The following ACAD10 variants were observed in gnomAD, a reference collection of about 807,000 sequenced individuals.
ACAD10 encodes the protein ACAD-10.
In ACAD10, 112 loss-of-function variants were observed where a neutral mutation model predicts 116.8. The observed-to-expected ratio is 0.96, with a 90% confidence interval of 0.82 to 1.12. The LOEUF (loss-of-function observed/expected upper bound fraction) is 1.12, where lower values mean the gene tolerates loss of function less well. Ranked by LOEUF, ACAD10 falls within the 50% of genes most tolerant of loss-of-function variation. The pLI, the probability that ACAD10 is intolerant of heterozygous loss-of-function variation, is 0.00. For synonymous variants in ACAD10, 486 were observed against 510.6 expected (o/e 0.95, Z 0.65); for missense variants, 1,259 against 1,350.2 (o/e 0.93, Z 1.06).
At chr12:111,703,838 C>T (rs1888419201) in intron 3 of ACAD10, among the ~76,000 whole-genome samples, 1 of 151,258 alleles carries the variant, frequency 6.6e-6, no homozygotes, top group African/African-American at 2.4e-5. Flanking sequence ...AGTGAGACTC[C>T]ATCTCAAAAA....
At chr12:111,704,880 G>A (rs1223677438) in intron 3 of ACAD10, among the ~76,000 whole-genome samples, 1 of 151,406 alleles carries the variant, frequency 6.6e-6, no homozygotes, top group Admixed American at 6.6e-5. Context: ...GTAGATAAGG[G>A]GTTTCACCAT....
rs564455964 is a variant in ACAD10 at position 111,736,190 on chromosome 12, T to G, written c.1541-641T>G. 3.4e-3 allele frequency among the ~76,000 whole-genome samples: 489 copies of G among 142,610 alleles called. 1 individual carries two copies. Among genetic ancestry groups the G allele is most frequent in the African/African-American group, 0.012 (468 of 38,120 alleles). 93.6% of individuals were successfully genotyped at this position (142,610 alleles called of 152,430 possible). Reference sequence around the variant, plus strand: ...GCCACTGCACCCAGCCAATTGTTTTTTTTTTTTTTTTTTTGAGATGGAGTC... The same window carrying G: ...GCCACTGCACCCAGCCAATTGTTTTGTTTTTTTTTTTTTTGAGATGGAGTC... On this transcript the variant is annotated intron_variant, in intron 11 of 20. Transcript: ENST00000313698.
Position 111,712,556 on chromosome 12 carries a change from G to A in ACAD10, c.749G>A (p.Arg250Lys). Reference sequence around the variant, plus strand: ...GAAGCTCTCTTGGGTTTTACATTGAGAGTAGGTGTTCCAAACACTCGGCCT... The same window carrying A: ...GAAGCTCTCTTGGGTTTTACATTGAAAGTAGGTGTTCCAAACACTCGGCCT... Reference protein sequence around the residue: ...ELEALLGFTLRVGVPNTRPVK... With the variant: ...ELEALLGFTLKVGVPNTRPVK... Residue 250 changes from arginine (R) to lysine (K), a missense_variant, in exon 6 of 21, where the codon AGA becomes AAA. Transcript: ENST00000313698. 2.5e-6 allele frequency: 4 copies of A among 1,614,144 alleles called. No individual in the cohort carries two copies. Among genetic ancestry groups the A allele is most frequent in the African/African-American group, 1.3e-5 (1 of 75,056 alleles).
At position 111,692,784 on chromosome 12, in the gene ACAD10, G is replaced by A. The variant is rs1273964923; in HGVS notation, c.75G>A (p.Gln25=). 2 of 1,614,236 alleles carry A rather than the reference G, an allele frequency of 1.2e-6. No individual in the cohort carries two copies. Among genetic ancestry groups the A allele is most frequent in the Admixed American group, 1.7e-5 (1 of 60,024 alleles). The change falls in exon 2 of 21, where the codon CAG becomes CAA. Residue 25 remains glutamine (Q), a synonymous_variant. Transcript: ENST00000313698. ...VWRTAFLKHT[Q]RRHQGSHRWT... is the part of the protein sequence containing the mutation. ...GAACAGCCTTCCTGAAACACACCCA[G>A]CGCAGGCACCAGGGGTCCCACCGAT...
intron 7 of ACAD10, among the ~76,000 whole-genome samples, chr12:111,718,184 G>A (rs1888906185): frequency 1.3e-5 from 2 of 150,712 alleles, no homozygotes; most frequent in South Asian, 4.2e-4. Context: ...CAAGTAACAG[G>A]GATTATAGTC....
At chr12:111,705,180 T>A (rs981076640) in intron 3 of ACAD10, among the ~76,000 whole-genome samples, 2 of 152,164 alleles carry the variant, frequency 1.3e-5, no homozygotes, top group Admixed American at 6.6e-5. Context: ...ATGCTGTTTT[T>A]TTTTTCAACT....
intron 8 of ACAD10, among the ~76,000 whole-genome samples, 169 bp from the exon 9 acceptor site, chr12:111,727,793 G>A (rs1163815879): frequency 6.6e-6 from 1 of 152,146 alleles, no homozygotes; most frequent in Non-Finnish European, 1.5e-5. Context: ...TACTTCTAAT[G>A]CACTGTGCTT....
At chr12:111,727,272 C>G (rs575450493) in intron 8 of ACAD10, among the ~76,000 whole-genome samples, 1 of 151,144 alleles carries the variant, frequency 6.6e-6, no homozygotes, top group East Asian at 2.0e-4. Flanking sequence ...CGCCTATAAT[C>G]CCACCACTTT....
chr12:111,737,344 G>A (rs1018376015), intron 12 of ACAD10, among the ~76,000 whole-genome samples: 6 of 151,940 alleles, frequency 3.9e-5, no homozygotes, highest in Non-Finnish European at 8.8e-5. Flanking sequence ...CACCACGCCT[G>A]GCTAATTTTT....
At chr12:111,718,506 T>A (rs1217081473) in intron 7 of ACAD10, among the ~76,000 whole-genome samples, 1 of 148,328 alleles carries the variant, frequency 6.7e-6, no homozygotes, top group African/African-American at 2.5e-5. Context: ...TGAGGCGGAG[T>A]TTTTGCTCTG....
At chr12:111,753,745 T>A in intron 18 of ACAD10, 27 bp from the exon 19 acceptor site, 1 of 1,613,694 alleles carries the variant, frequency 6.2e-7, no homozygotes. Context: ...CAGCATGTCC[T>A]CAGCCGCACA....
intron 2 of ACAD10, among the ~76,000 whole-genome samples, chr12:111,695,854 A>G (rs1450052089): frequency 6.6e-6 from 1 of 151,912 alleles, no homozygotes; most frequent in African/African-American, 2.4e-5. Flanking sequence ...TCTCTACTAA[A>G]AATTCAAAAA....
At chr12:111,688,511 A>G (rs1333067271) in intron 1 of ACAD10, among the ~76,000 whole-genome samples, 11 of 152,082 alleles carry the variant, frequency 7.2e-5, no homozygotes, top group Admixed American at 7.2e-4. Flanking sequence ...TTAGAAAAAA[A>G]AAGTACTTGA....
intron 1 of ACAD10, among the ~76,000 whole-genome samples, chr12:111,688,571 G>A (rs556843576): frequency 1.3e-5 from 2 of 152,172 alleles, no homozygotes; most frequent in East Asian, 1.9e-4. Context: ...GGAGGCCGAG[G>A]CCGGTGGATC....
Position 111,748,335 on chromosome 12 carries a change from G to A in ACAD10, c.2504G>A (p.Cys835Tyr). 5.6e-6 allele frequency: 9 copies of A among 1,614,112 alleles called. No homozygotes were observed. Among genetic ancestry groups the A allele is most frequent in the Non-Finnish European group, 7.6e-6 (9 of 1,180,036 alleles). Residue 835 changes from cysteine to tyrosine, a missense_variant, in exon 17 of 21, where the codon TGC becomes TAC. Transcript: ENST00000313698. ...CTGGCAGGCATCCTGGATCCTCGTTGCCAACTCTGTGTGTTTATGGGAAAA... is the reference window on the plus strand; with the variant it reads ...CTGGCAGGCATCCTGGATCCTCGTTACCAACTCTGTGTGTTTATGGGAAAA... ...WWITGILDPR[C>Y]QLCVFMGKTD...
intron 4 of ACAD10, among the ~76,000 whole-genome samples, chr12:111,706,887 C>T (rs1346433941): frequency 6.6e-6 from 1 of 151,184 alleles, no homozygotes; most frequent in Non-Finnish European, 1.5e-5. Context: ...AGTTCTCCTG[C>T]CTCAGCCTCC....
chr12:111,724,963 T>G (rs891153583), intron 8 of ACAD10, among the ~76,000 whole-genome samples: 1 of 152,180 alleles, frequency 6.6e-6, no homozygotes, highest in African/African-American at 2.4e-5. Context: ...GCTTTTTGAG[T>G]GTCTCTTCTT....
At chr12:111,713,716 C>T (rs1432375616) in intron 6 of ACAD10, among the ~76,000 whole-genome samples, 1 of 151,854 alleles carries the variant, frequency 6.6e-6, no homozygotes, top group Non-Finnish European at 1.5e-5. Context: ...GCAGGCGGAT[C>T]ACCTGAAGTC....
At chr12:111,753,600 C>A in intron 18 of ACAD10, 172 bp from the exon 19 acceptor site, 1 of 842,552 alleles carries the variant, frequency 1.2e-6, no homozygotes, top group Non-Finnish European at 2.0e-6. Flanking sequence ...CTGGACATGG[C>A]GCATGGCTGC....
Sources: gnomAD v4.1 joint callset for allele counts (sites outside exome capture counted in the v4.1 genomes callset) on GRCh38, gnomAD v4.1.1 for gene constraint, MANE v1.5 for transcripts, NCBI Gene and HGNC (gene_info 2026-07-23, HGNC 2026-07-21) for gene names.